NFKBIZ: variants seen among roughly 807,000 people sequenced by gnomAD.
The protein encoded by NFKBIZ is NF-kappa-B inhibitor zeta.
A neutral mutation model predicts 76.8 loss-of-function variants in NFKBIZ; 19 were observed. The ratio of observed to expected loss-of-function variants is 0.25; its 90% confidence interval spans 0.17 to 0.36. The LOEUF is 0.36. Ranked by LOEUF, NFKBIZ falls within the 10% of genes least tolerant of loss-of-function variation. NFKBIZ has a pLI of 1.00. For missense variants in NFKBIZ, 829 were observed against 910.9 expected, an observed-to-expected ratio of 0.91 and a Z score of 1.16; for synonymous variants, 368 against 354.8, an observed-to-expected ratio of 1.04 and a Z score of -0.42.
chr3:101,840,294 G>A lies in NFKBIZ; in HGVS notation c.-12+10606G>A, dbSNP rs114712026. ...TTTTACCTCTTGGTGTCTATAGTGG[G>A]TAAAGTTCATCATTATAAATAGAAA... is the stretch of plus-strand genomic sequence containing the variant. On this transcript the variant is annotated intron_variant, in intron 2 of 12. Coordinates refer to the NFKBIZ transcript ENST00000394054. 7.6e-3 allele frequency among the ~76,000 whole-genome samples: 1,162 copies of A among 152,250 alleles called. 17 individuals are homozygous for A. Among genetic ancestry groups the A allele is most frequent in the African/African-American group, 0.026 (1,081 of 41,542 alleles).
At chr3:101,848,106 G>A (rs1942880763), upstream of NFKBIZ, among the ~76,000 whole-genome samples, 1 of 152,080 alleles carries the variant, frequency 6.6e-6, no homozygotes, top group Non-Finnish European at 1.5e-5. Flanking sequence ...TTCTCTCCTG[G>A]GCTACTGCAG....
intron 8 of NFKBIZ, 106 bp from the exon 9 acceptor site, chr3:101,855,627 C>T (rs1943038831): frequency 7.7e-7 from 1 of 1,306,034 alleles, no homozygotes; most frequent in Non-Finnish European, 1.1e-6. Context: ...CTTGTGGAGC[C>T]CATTTATAGG....
intron 8 of NFKBIZ, 35 bp downstream of exon 8, chr3:101,855,493 C>T (rs767940735): frequency 1.4e-5 from 22 of 1,582,918 alleles, no homozygotes; most frequent in Middle Eastern, 1.7e-4. Flanking sequence ...TTCAGAGCCA[C>T]TTAGGGGGAA....
chr3:101,846,411 T>G (rs1276944180), upstream of NFKBIZ, among the ~76,000 whole-genome samples: 1 of 152,256 alleles, frequency 6.6e-6, no homozygotes, highest in East Asian at 1.9e-4. Context: ...TTAACTGTTT[T>G]TGATGTGTAT....
intron 2 of NFKBIZ, among the ~76,000 whole-genome samples, chr3:101,830,308 CTTTAT>C (rs1356782582): frequency 3.9e-5 from 6 of 152,090 alleles, no homozygotes; most frequent in African/African-American, 1.2e-4. Context: ...CTGTAATTAG[CTTTAT>C]TTTATTTATT....
chr3:101,855,932 G>C, intron 9 of NFKBIZ, 30 bp downstream of exon 9: 1 of 1,568,752 alleles, frequency 6.4e-7, no homozygotes, highest in Non-Finnish European at 8.6e-7. Flanking sequence ...TTAAGATGGG[G>C]TAGGGGAGAA....
intron 11 of NFKBIZ, chr3:101,857,970 A>T (rs1176630934): frequency 2.4e-6 from 2 of 830,908 alleles, no homozygotes; most frequent in Non-Finnish European, 2.9e-6. Flanking sequence ...TGTAATTTCA[A>T]ACCTAGAAAT....
intron 1 of NFKBIZ, among the ~76,000 whole-genome samples, chr3:101,851,595 T>A (rs1163992617): frequency 1.3e-5 from 2 of 152,256 alleles, no homozygotes; most frequent in Non-Finnish European, 2.9e-5. Flanking sequence ...ACTTTAAAAT[T>A]TCTATGTGAA....
chr3:101,847,823 CTACTAA>C (rs533468263), upstream of NFKBIZ, among the ~76,000 whole-genome samples: 573 of 152,304 alleles, frequency 3.8e-3, 10 homozygotes, highest in East Asian at 6.6e-3. Context: ...CTTATGCCAC[CTACTAA>C]TACTGAGTAA....
upstream of NFKBIZ, chr3:101,849,240 G>GGCGGGAA (rs912435134): frequency 3.3e-5 from 5 of 152,006 alleles, no homozygotes; most frequent in East Asian, 2.0e-4. Flanking sequence ...GGAGGCGGGA[G>GGCGGGAA]GCGGGAAGCG....
At chr3:101,856,803 T>C in intron 9 of NFKBIZ, 1 of 326,148 alleles carries the variant, frequency 3.1e-6, no homozygotes, top group Non-Finnish European at 5.7e-6. Flanking sequence ...GACATAGGAT[T>C]TAAAAATATT....
chr3:101,845,275 G>GA (rs370924351), upstream of NFKBIZ, among the ~76,000 whole-genome samples: 19 of 124,344 alleles, frequency 1.5e-4, no homozygotes, highest in African/African-American at 1.7e-4. Context: ...CTCAAAAAAA[G>GA]AAAAAAAAAA....
At chr3:101,828,091 G>A (rs527391436) in exon 1 of NFKBIZ, 2 of 152,310 alleles carry the variant, frequency 1.3e-5, no homozygotes, top group Non-Finnish European at 1.5e-5. Flanking sequence ...TCTTTCTCAT[G>A]CTGTCACGTA....
In NFKBIZ at chr3:101,853,504, C is replaced by G. The variant is rs116659590; in HGVS notation, c.978C>G (p.Leu326=). 4 of 1,614,260 alleles carry G rather than the reference C, an allele frequency of 2.5e-6. No homozygotes were observed. Among genetic ancestry groups the G allele is most frequent in the East Asian group, 2.2e-5 (1 of 44,894 alleles). The change falls in exon 5 of 12, where the codon CTC becomes CTG. Residue 326 remains leucine (L), a synonymous_variant. Transcript: ENST00000326172. Reference sequence around the variant, plus strand: ...AGTCCCCCGCTTATGAACCAAACCTCTTTGATGGTCCAGAATCACAGTTTT... The same window carrying G: ...AGTCCCCCGCTTATGAACCAAACCTGTTTGATGGTCCAGAATCACAGTTTT... ...PPQSPAYEPN[L]FDGPESQFCP...
chr3:101,860,080 T>C lies in NFKBIZ; in HGVS notation c.*709T>C, dbSNP rs1943110846. ...CTTTGTAGATAAAGCAGATGGGGAG[T>C]TACGGAGTTGTTCCTTTACTGGCTG... On this transcript the variant is annotated 3_prime_UTR_variant, in exon 12 of 12. Transcript: ENST00000326172. The C allele has an allele frequency of 6.6e-6, 1 of 152,196 alleles. No homozygotes were observed. The highest frequency in any genetic ancestry group is 2.4e-5 in the African/African-American group (1 of 41,442). The allele number at this position is 152,196 out of a possible 1,614,324, so 9.4% of individuals were successfully genotyped here.
chr3:101,851,215 C>T (rs1354413264), intron 1 of NFKBIZ, among the ~76,000 whole-genome samples: 2 of 152,174 alleles, frequency 1.3e-5, no homozygotes, highest in Non-Finnish European at 2.9e-5. Context: ...TATTCATTTC[C>T]TGACTTTGTG....
chr3:101,831,429 T>C (rs1942645546), intron 2 of NFKBIZ, among the ~76,000 whole-genome samples: 1 of 152,216 alleles, frequency 6.6e-6, no homozygotes, highest in Non-Finnish European at 1.5e-5. Context: ...GATGTACTTA[T>C]TCAACTGAGG....
intron 1 of NFKBIZ, among the ~76,000 whole-genome samples, 156 bp from the exon 2 acceptor site, chr3:101,851,927 TCA>T (rs752679894): frequency 1.5e-3 from 222 of 152,348 alleles, no homozygotes; most frequent in Non-Finnish European, 2.3e-3. Context: ...AGCTCGGGAC[TCA>T]CAAGGCCATT....
At chr3:101,843,820 CATTTCATTATA>C (rs1478725795) in intron 2 of NFKBIZ, among the ~76,000 whole-genome samples, 5 of 152,276 alleles carry the variant, frequency 3.3e-5, no homozygotes, top group Non-Finnish European at 5.9e-5. Flanking sequence ...AATGTTGCCA[CATTTCATTATA>C]TAATATAAAA....
Sources: gnomAD v4.1 joint callset for allele counts (sites outside exome capture counted in the v4.1 genomes callset) on GRCh38, gnomAD v4.1.1 for gene constraint, MANE v1.5 for transcripts, NCBI Gene and HGNC (gene_info 2026-07-23, HGNC 2026-07-21) for gene names.